MAP1A: variants seen among roughly 807,000 people sequenced by gnomAD.
MAP1A encodes the protein microtubule associated protein 1A.
In MAP1A, 42 loss-of-function variants were observed where a neutral mutation model predicts 185.9. That is an observed-to-expected ratio of 0.23 (90% CI 0.18 to 0.29). The LOEUF (loss-of-function observed/expected upper bound fraction) is 0.29, where lower values mean the gene tolerates loss of function less well. MAP1A is among the 10% of genes least tolerant of loss of function. The pLI, the probability that MAP1A is intolerant of heterozygous loss-of-function variation, is 1.00. For missense variants in MAP1A, 2,995 were observed against 3,450.4 expected, an observed-to-expected ratio of 0.87 and a Z score of 3.31; for synonymous variants, 1,229 against 1,335.9, an observed-to-expected ratio of 0.92 and a Z score of 1.74.
Position 43,526,526 on chromosome 15 carries a change from G to T in MAP1A, c.5053G>T (p.Gly1685Cys), listed in dbSNP as rs756749380. ...TGAGCAGGACAATAGGTATTGGAGG[G>T]GCAGAGAGGATGTGGCCTTGGAACA... ...SPEQDNRYWR[G>C]REDVALEQDT... is the part of the protein sequence containing the mutation. Residue 1685 changes from glycine to cysteine, a missense_variant, in exon 4 of 6, where the codon GGC becomes TGC. Gly to Cys is a radical substitution (Grantham distance 159). Transcript: ENST00000300231. This position sits in a 1 kb window ranked among gnomAD's most constrained non-coding sequence, Gnocchi z 4.7. The T allele has an allele frequency of 3.1e-6, 5 of 1,614,042 alleles. No individual in the cohort carries two copies. Among genetic ancestry groups the T allele is most frequent in the Non-Finnish European group, 4.2e-6 (5 of 1,180,026 alleles).
Position 43,522,112 on chromosome 15 carries a change from G to A in MAP1A, c.639G>A (p.Gln213=). Residue 213 remains glutamine (Q), a synonymous_variant, in exon 4 of 6, where the codon CAG becomes CAA. Transcript: ENST00000300231. The surrounding 1 kb of genome is among the most constrained non-coding windows in gnomAD (Gnocchi z 5.9). Reference sequence around the variant, plus strand: ...CTGTCAAGGACAGCAAGGAGATGCAGTTCCTCATGCAAAAGTGGGCAGGCA... The same window carrying A: ...CTGTCAAGGACAGCAAGGAGATGCAATTCCTCATGCAAAAGTGGGCAGGCA... The part of the protein sequence containing the change: ...LNPVKDSKEM[Q]FLMQKWAGNS... 1 of 1,614,250 alleles carries A rather than the reference G, an allele frequency of 6.2e-7. No homozygotes were observed. Among genetic ancestry groups the A allele is most frequent in the Non-Finnish European group, 8.5e-7 (1 of 1,180,042 alleles).
upstream of MAP1A, among the ~76,000 whole-genome samples, chr15:43,514,530 A>C (rs2079291772): frequency 2.0e-5 from 3 of 152,218 alleles, no homozygotes; most frequent in African/African-American, 7.2e-5. Context: ...ACCTATCCTC[A>C]AGCCCTGGGC....
At chr15:43,517,209 C>T (rs1057012179), upstream of MAP1A, among the ~76,000 whole-genome samples, 3 of 152,130 alleles carry the variant, frequency 2.0e-5, no homozygotes, top group African/African-American at 4.8e-5. Flanking sequence ...TCCTGCTCCT[C>T]CAGGGACTGA....
Position 43,528,432 on chromosome 15 carries a change from C to T in MAP1A, c.6959C>T (p.Pro2320Leu). 2 of 1,613,600 alleles carry T rather than the reference C, an allele frequency of 1.2e-6. No individual in the cohort carries two copies. The highest frequency in any genetic ancestry group is 1.7e-6 in the Non-Finnish European group (2 of 1,180,036). The change falls in exon 4 of 6, where the codon CCA (proline) becomes CTA (leucine). Residue 2320 changes from proline to leucine, a missense_variant. Pro to Leu is a moderately conservative substitution (Grantham distance 98). Coordinates refer to ENST00000300231, the MANE Select transcript of MAP1A (RefSeq NM_002373.6). Reference sequence around the variant, plus strand: ...GCTTCACTGGACTTGGCCCTAGCTCCAGCTCCAAGCCTGCCTGGAGACATG... The same window carrying T: ...GCTTCACTGGACTTGGCCCTAGCTCTAGCTCCAAGCCTGCCTGGAGACATG... The part of the protein sequence containing the change: ...PPASLDLALA[P>L]APSLPGDMGD...
At position 43,525,626 on chromosome 15, in the gene MAP1A, A is replaced by G; in HGVS notation, c.4153A>G (p.Thr1385Ala). The G allele has an allele frequency of 6.2e-7, 1 of 1,614,256 alleles. No homozygotes were observed. Among genetic ancestry groups the G allele is most frequent in the African/African-American group, 1.3e-5 (1 of 75,068 alleles). Residue 1385 changes from threonine (T) to alanine (A), a missense_variant, in exon 4 of 6, where the codon ACA becomes GCA. Thr to Ala is a moderately conservative substitution (Grantham distance 58). Coordinates refer to ENST00000300231, the MANE Select transcript of MAP1A (RefSeq NM_002373.6). ...EHKEVVEPKD[T>A]AIYQKDEALH... ...CAAGGAGGTGGTAGAGCCGAAGGATACAGCCATCTATCAGAAAGATGAGGC... is the reference window on the plus strand; with the variant it reads ...CAAGGAGGTGGTAGAGCCGAAGGATGCAGCCATCTATCAGAAAGATGAGGC...
At position 43,523,020 on chromosome 15, in the gene MAP1A, C is replaced by G. The variant is rs772704163; in HGVS notation, c.1547C>G (p.Thr516Ser). 1 of 1,614,094 alleles carries G rather than the reference C, an allele frequency of 6.2e-7. No individual in the cohort carries two copies. Among genetic ancestry groups the G allele is most frequent in the Non-Finnish European group, 8.5e-7 (1 of 1,180,046 alleles). The change falls in exon 4 of 6, where the codon ACC (threonine) becomes AGC (serine). Residue 516 changes from threonine to serine, a missense_variant. By Grantham distance (58) the Thr-to-Ser change is moderately conservative. Transcript: ENST00000300231. ...PAQKGTVPLP[T>S]ISGHRELVLS... is the part of the protein sequence containing the mutation. ...CAGAAGGGAACTGTACCACTCCCAACCATCAGTGGGCACAGGGAGCTGGTC... is the reference window on the plus strand; with the variant it reads ...CAGAAGGGAACTGTACCACTCCCAAGCATCAGTGGGCACAGGGAGCTGGTC...
chr15:43,518,700 C>T (rs2079307707), intron 1 of MAP1A, among the ~76,000 whole-genome samples: 2 of 120,368 alleles, frequency 1.7e-5, no homozygotes. Context: ...GCCTCTGCAC[C>T]GCAGCCCACC....
In MAP1A at chr15:43,529,589, G is replaced by T. The variant is rs1484046393; in HGVS notation, c.8036-61G>T. The T allele has an allele frequency of 6.2e-7, 1 of 1,606,438 alleles. No individual in the cohort carries two copies. Among genetic ancestry groups the T allele is most frequent in the East Asian group, 2.2e-5 (1 of 44,820 alleles). On this transcript the variant is annotated intron_variant, in intron 4 of 5. Transcript: ENST00000300231. This position sits in a 1 kb window ranked among gnomAD's most constrained non-coding sequence, Gnocchi z 4.3. ...GTCAGACTTCAGGAGTGGGACAGAGGGGAAGGTTGCCAAAAGGGTTCTACT... is the reference window on the plus strand; with the variant it reads ...GTCAGACTTCAGGAGTGGGACAGAGTGGAAGGTTGCCAAAAGGGTTCTACT...
Position 43,523,544 on chromosome 15 carries a change from G to T in MAP1A, c.2071G>T (p.Val691Leu). 2 of 1,614,192 alleles carry T rather than the reference G, an allele frequency of 1.2e-6. No individual in the cohort carries two copies. Among genetic ancestry groups the T allele is most frequent in the Non-Finnish European group, 1.7e-6 (2 of 1,180,020 alleles). ...YQKHMQEPLK[V>L]TPRSREAFGG... Reference sequence around the variant, plus strand: ...AAAACATATGCAGGAACCCTTGAAGGTAACTCCAAGGAGCCGGGAGGCTTT... The same window carrying T: ...AAAACATATGCAGGAACCCTTGAAGTTAACTCCAAGGAGCCGGGAGGCTTT... The change falls in exon 4 of 6, where the codon GTA (valine) becomes TTA (leucine). Residue 691 changes from valine to leucine, a missense_variant. By Grantham distance (32) the Val-to-Leu change is conservative (BLOSUM62 1). Around this residue, in one of 3 missense-constraint regions of MAP1A, gnomAD observed 2,728 missense variants for 2,986.0 expected, o/e 0.91. Transcript: ENST00000300231.
In MAP1A at chr15:43,529,380, C is replaced by A. The variant is rs568062409; in HGVS notation, c.7907C>A (p.Pro2636His). The change falls in exon 4 of 6, where the codon CCT becomes CAT. Residue 2636 changes from proline (P) to histidine (H), a missense_variant. By Grantham distance (77) the Pro-to-His change is moderately conservative (BLOSUM62 -2). Coordinates refer to ENST00000300231, the MANE Select transcript of MAP1A (RefSeq NM_002373.6). This position sits in a 1 kb window ranked among gnomAD's most constrained non-coding sequence, Gnocchi z 4.3. ...CGCTCACCCACCCCTGGTAAAGGGC[C>A]TGCAGATCGAGCATCCCGGGCCCCA... ...GKRSPTPGKGPADRASRAPPR... is the reference protein window; with the variant it reads ...GKRSPTPGKGHADRASRAPPR... 1 of 1,614,016 alleles carries A rather than the reference C, an allele frequency of 6.2e-7. No individual in the cohort carries two copies. Among genetic ancestry groups the A allele is most frequent in the South Asian group, 1.1e-5 (1 of 91,088 alleles).
In MAP1A at chr15:43,528,779, G is replaced by A; in HGVS notation, c.7306G>A (p.Gly2436Arg). 1 of 1,613,522 alleles carries A rather than the reference G, an allele frequency of 6.2e-7. No individual in the cohort carries two copies. The change falls in exon 4 of 6, where the codon GGA becomes AGA. Residue 2436 changes from glycine to arginine, a missense_variant. Transcript: ENST00000300231. ...TCCTGAGGTCGAAGCTGGGCCCCAG[G>A]GATGTGCCACTGAGCCTCGGCCCCA... Reference protein sequence around the residue: ...ASPEVEAGPQGCATEPRPHRG... With the variant: ...ASPEVEAGPQRCATEPRPHRG...
Position 43,522,598 on chromosome 15 carries a change from C to T in MAP1A, c.1125C>T (p.Ala375=). 4.3e-6 allele frequency: 7 copies of T among 1,612,326 alleles called. No individual in the cohort carries two copies. The highest frequency in any genetic ancestry group is 5.9e-6 in the Non-Finnish European group (7 of 1,179,228). Residue 375 remains alanine (A), a synonymous_variant, in exon 4 of 6, where the codon GCC becomes GCT. Transcript: ENST00000300231. This position sits in a 1 kb window ranked among gnomAD's most constrained non-coding sequence, Gnocchi z 5.9. ...CTGAGAAGCCCCCAGAGAAGCCTGC[C>T]AAGCCTGAGAGGGTGAAGACAGAGT... ...ESSEKPPEKP[A]KPERVKTESS...
Position 43,526,001 on chromosome 15 carries a change from G to C in MAP1A, c.4528G>C (p.Ala1510Pro), listed in dbSNP as rs753943625. Residue 1510 changes from alanine (A) to proline (P), a missense_variant, in exon 4 of 6, where the codon GCT becomes CCT. By Grantham distance (27) the Ala-to-Pro change is conservative. This residue lies in a region of MAP1A where 2,728 missense variants were observed against 2,986.0 expected (regional missense o/e 0.91). Coordinates refer to ENST00000300231, the MANE Select transcript of MAP1A (RefSeq NM_002373.6). The surrounding 1 kb of genome is among the most constrained non-coding windows in gnomAD (Gnocchi z 4.7). ...AAAAGTCAGAAGTGTTGAACATAAG[G>C]CTCCGGAGGACACGGTCGCTGAAAT... ...DQKVRSVEHK[A>P]PEDTVAEMKD... 13 of 1,613,742 alleles carry C rather than the reference G, an allele frequency of 8.1e-6. No homozygotes were observed. Among genetic ancestry groups the C allele is most frequent in the Admixed American group, 1.7e-5 (1 of 59,890 alleles).
At position 43,530,219 on chromosome 15, in the gene MAP1A, T is replaced by G. The variant is rs540235262; in HGVS notation, c.8407T>G (p.Phe2803Val). The change falls in exon 6 of 6, where the codon TTC (phenylalanine) becomes GTC (valine). Residue 2803 changes from phenylalanine to valine, a missense_variant. This residue lies in a region of MAP1A where 3 missense variants were observed against 29.2 expected (regional missense o/e 0.10). Transcript: ENST00000300231. ...GTCCTTCCCTGCCTGCAAGATTGAG[T>G]TCTGAAAGAGCCGCCCTCCCTTCCC... Reference protein sequence around the residue: ...DESFPACKIEF With the variant: ...DESFPACKIEV 1 of 1,613,956 alleles carries G rather than the reference T, an allele frequency of 6.2e-7. No individual in the cohort carries two copies.
chr15:43,511,574 T>TG (rs1203846045), intron 1 of MAP1A, among the ~76,000 whole-genome samples: 1 of 152,222 alleles, frequency 6.6e-6, no homozygotes, highest in East Asian at 1.9e-4. Context: ...GTCCCTATCT[T>TG]GCTGTATCTT....
rs898050177 is a variant in MAP1A, at chr15:43,527,295, A to G, written c.5822A>G (p.His1941Arg). Reference sequence around the variant, plus strand: ...AAGGTACCAGAGGCCAGCAAAAGCCATGCCACCACGGAGCCTGAGCAGACT... The same window carrying G: ...AAGGTACCAGAGGCCAGCAAAAGCCGTGCCACCACGGAGCCTGAGCAGACT... ...SSKVPEASKS[H>R]ATTEPEQTEP... Residue 1941 changes from histidine to arginine, a missense_variant, in exon 4 of 6, where the codon CAT becomes CGT. Transcript: ENST00000300231. 5.0e-6 allele frequency: 8 copies of G among 1,614,192 alleles called. No individual in the cohort carries two copies. The highest frequency in any genetic ancestry group is 6.8e-6 in the Non-Finnish European group (8 of 1,180,016).
Position 43,524,377 on chromosome 15 carries a change from T to C in MAP1A, c.2904T>C (p.His968=), listed in dbSNP as rs1292286028. 6.2e-7 allele frequency: 1 copy of C among 1,614,086 alleles called. No homozygotes were observed. The highest frequency in any genetic ancestry group is 1.3e-5 in the African/African-American group (1 of 74,930). ...CTCCAGTGTTTAGTGCCCCTGGGCATGCCCTACATCCAGGAGAACCAGCCC... is the reference window on the plus strand; with the variant it reads ...CTCCAGTGTTTAGTGCCCCTGGGCACGCCCTACATCCAGGAGAACCAGCCC... ...YGTPVFSAPG[H]ALHPGEPALG... Residue 968 remains histidine (H), a synonymous_variant, in exon 4 of 6, where the codon CAT becomes CAC. Coordinates refer to ENST00000300231, the MANE Select transcript of MAP1A (RefSeq NM_002373.6).
rs1171097023 is a variant in MAP1A at position 43,526,392 on chromosome 15, A to T, written c.4919A>T (p.Tyr1640Phe). The change falls in exon 4 of 6, where the codon TAC becomes TTC. Residue 1640 changes from tyrosine (Y) to phenylalanine (F), a missense_variant. This residue lies in a region of MAP1A where 2,728 missense variants were observed against 2,986.0 expected (regional missense o/e 0.91). Coordinates refer to ENST00000300231, the MANE Select transcript of MAP1A (RefSeq NM_002373.6). The surrounding 1 kb of genome is among the most constrained non-coding windows in gnomAD (Gnocchi z 4.7). ...EGRAREQEEK[Y>F]WRGQDVVQEW... ...AGGGCCAGAGAGCAGGAAGAAAAGTACTGGAGGGGGCAGGATGTGGTCCAG... is the reference window on the plus strand; with the variant it reads ...AGGGCCAGAGAGCAGGAAGAAAAGTTCTGGAGGGGGCAGGATGTGGTCCAG... 1.2e-6 allele frequency: 2 copies of T among 1,614,084 alleles called. No individual in the cohort carries two copies. Among genetic ancestry groups the T allele is most frequent in the Non-Finnish European group, 1.7e-6 (2 of 1,180,032 alleles).
Position 43,525,976 on chromosome 15 carries a change from A to G in MAP1A, c.4503A>G (p.Gln1501=). ...AAGAGAAAGACAAAGCCTTAGATCA[A>G]AAAGTCAGAAGTGTTGAACATAAGG... The part of the protein sequence containing the change: ...IPEEKDKALD[Q]KVRSVEHKAP... Residue 1501 remains glutamine (Q), a synonymous_variant, in exon 4 of 6, where the codon CAA becomes CAG. Coordinates refer to ENST00000300231, the MANE Select transcript of MAP1A (RefSeq NM_002373.6). 1 of 1,614,128 alleles carries G rather than the reference A, an allele frequency of 6.2e-7. No homozygotes were observed. Among genetic ancestry groups the G allele is most frequent in the Non-Finnish European group, 8.5e-7 (1 of 1,180,040 alleles).
Sources: gnomAD v4.1 joint callset for allele counts (sites outside exome capture counted in the v4.1 genomes callset) on GRCh38, gnomAD v4.1.1 for gene constraint, gnomAD v4.1.1 regional missense constraint, Gnocchi (gnomAD v3.1) non-coding constraint, MANE v1.5 for transcripts, NCBI Gene and HGNC (gene_info 2026-07-23, HGNC 2026-07-21) for gene names.